Variants in KLHL1 observed in about 807,000 individuals in gnomAD.
The protein encoded by KLHL1 is kelch like family member 1, also known as kelch-like protein 1.
KLHL1 carries 47 observed loss-of-function variants against 77.7 expected under a neutral mutation model. That is an observed-to-expected ratio of 0.60 (90% confidence interval 0.48 to 0.77). The LOEUF is 0.77. KLHL1 is among the 30% of genes least tolerant of loss of function. The probability of loss-of-function intolerance (pLI) is 0.00; values close to 1 mark genes in which losing one functional copy is unlikely to be tolerated. For missense variants in KLHL1, 925 were observed against 910.8 expected, an observed-to-expected ratio of 1.02 and a Z score of -0.20; for synonymous variants, 360 against 325.2, an observed-to-expected ratio of 1.11 and a Z score of -1.15.
chr13:69,825,001 A>G (rs563067950), intron 6 of KLHL1, among the ~76,000 whole-genome samples: 1 of 147,966 alleles, frequency 6.8e-6, no homozygotes, highest in Non-Finnish European at 1.5e-5. Context: ...TTTGAAATGC[A>G]TTAAAAAATT....
At position 70,098,379 on chromosome 13, in the gene KLHL1, C is replaced by A. The variant is rs578019329; in HGVS notation, c.497+8824G>T. On this transcript the variant is annotated intron_variant, in intron 1 of 10. Coordinates refer to ENST00000377844, the MANE Select transcript of KLHL1 (RefSeq NM_020866.3). Reference sequence around the variant, plus strand: ...TCCCTGTGTAATTTGCATGTATATTCTTTTGAAAACAGCAAAAATTTATTT... The same window carrying A: ...TCCCTGTGTAATTTGCATGTATATTATTTTGAAAACAGCAAAAATTTATTT... Among the ~76,000 whole-genome samples, 3 of 151,778 alleles carry A rather than the reference C, an allele frequency of 2.0e-5. No individual in the cohort carries two copies. In the South Asian group the frequency reaches 6.2e-4, roughly 31 times the overall value.
chr13:69,738,768 A>C (rs1873866943), intron 8 of KLHL1, among the ~76,000 whole-genome samples: 1 of 152,124 alleles, frequency 6.6e-6, no homozygotes, highest in African/African-American at 2.4e-5. Flanking sequence ...GACCAAACCT[A>C]CATCTGATAG....
At chr13:70,005,432 A>G (rs1280411033) in intron 1 of KLHL1, among the ~76,000 whole-genome samples, 2 of 152,032 alleles carry the variant, frequency 1.3e-5, no homozygotes, top group Non-Finnish European at 2.9e-5. Context: ...CCCAACACAA[A>G]TTCATGCAAA....
chr13:69,837,433 T>C (rs74090488), intron 6 of KLHL1, among the ~76,000 whole-genome samples: 12,538 of 151,262 alleles, frequency 0.083, 933 homozygotes, highest in African/African-American at 0.2. Context: ...TAAGTAATGA[T>C]TACAAGCAAC....
chr13:69,767,087 G>A (rs192945179), intron 7 of KLHL1, among the ~76,000 whole-genome samples: 1 of 152,152 alleles, frequency 6.6e-6, no homozygotes, highest in Non-Finnish European at 1.5e-5. Flanking sequence ...AAAGATACTA[G>A]GTGTAGATAT....
chr13:69,889,093 T>TA (rs1881330082), intron 4 of KLHL1, among the ~76,000 whole-genome samples: 4 of 151,960 alleles, frequency 2.6e-5, no homozygotes, highest in Non-Finnish European at 5.9e-5. Flanking sequence ...TTAAACTTTC[T>TA]AAAAATGCAG....
chr13:69,720,288 A>ATT (rs145592617), intron 8 of KLHL1, among the ~76,000 whole-genome samples: 13,507 of 152,154 alleles, frequency 0.089, 822 homozygotes, highest in African/African-American at 0.17. Context: ...ATTTGAATAC[A>ATT]GTTTAATCCT....
chr13:69,756,853 C>T (rs978605711), intron 7 of KLHL1, among the ~76,000 whole-genome samples: 1 of 152,068 alleles, frequency 6.6e-6, no homozygotes, highest in African/African-American at 2.4e-5. Context: ...AGTTAATAAA[C>T]CCCCTTTGTC....
chr13:69,752,593 G>C (rs1316109221), intron 7 of KLHL1, among the ~76,000 whole-genome samples: 1 of 152,146 alleles, frequency 6.6e-6, no homozygotes, highest in Non-Finnish European at 1.5e-5. Context: ...GTAGCTAAGA[G>C]TTGTTTTCTT....
At chr13:70,079,947 C>T (rs1887354034) in intron 1 of KLHL1, among the ~76,000 whole-genome samples, 1 of 152,084 alleles carries the variant, frequency 6.6e-6, no homozygotes, top group African/African-American at 2.4e-5. Context: ...TCTTGCTGAT[C>T]GCCAGTGCAG....
rs192625088 is a variant in KLHL1 at position 69,715,636 on chromosome 13, T to C, written c.2015+3733A>G. Among the ~76,000 whole-genome samples, 5 of 152,126 alleles carry C rather than the reference T, an allele frequency of 3.3e-5. No homozygotes were observed. In the East Asian group the frequency reaches 9.7e-4, roughly 30 times the overall value. Reference sequence around the variant, plus strand: ...TTATAGCAATGTGAAAATGGACTAATATAATCCTCATATTAACATGGTCTA... The same window carrying C: ...TTATAGCAATGTGAAAATGGACTAACATAATCCTCATATTAACATGGTCTA... On this transcript the variant is annotated intron_variant, in intron 9 of 10. Coordinates refer to ENST00000377844, the MANE Select transcript of KLHL1 (RefSeq NM_020866.3).
intron 4 of KLHL1, among the ~76,000 whole-genome samples, chr13:69,939,378 T>TATATAAAC (rs1200160699): frequency 1.4e-5 from 1 of 70,822 alleles, no homozygotes; most frequent in African/African-American, 6.4e-5. Flanking sequence ...TATATATATA[T>TATATAAAC]ACACACACAC....
intron 7 of KLHL1, among the ~76,000 whole-genome samples, chr13:69,782,891 C>T (rs1876303295): frequency 6.6e-6 from 1 of 152,210 alleles, no homozygotes. Context: ...CCCCGAGCAG[C>T]CTAACTGGGA....
chr13:69,957,339 A>G (rs1398242991), intron 3 of KLHL1, among the ~76,000 whole-genome samples: 2 of 151,722 alleles, frequency 1.3e-5, no homozygotes, highest in Non-Finnish European at 3.0e-5. Context: ...GTGCGTTGCC[A>G]AATTTGTTTA....
chr13:69,919,129 T>A (rs1301626486), intron 4 of KLHL1, among the ~76,000 whole-genome samples: 1 of 152,008 alleles, frequency 6.6e-6, no homozygotes, highest in Non-Finnish European at 1.5e-5. Flanking sequence ...GCAGCAACAA[T>A]CTTGAGAGTT....
At chr13:69,820,595 T>A (rs538548966) in intron 6 of KLHL1, among the ~76,000 whole-genome samples, 22 of 152,308 alleles carry the variant, frequency 1.4e-4, no homozygotes, top group African/African-American at 5.3e-4. Context: ...GAAGTGAAAT[T>A]TGAATAGCAT....
intron 1 of KLHL1, among the ~76,000 whole-genome samples, chr13:70,028,304 G>A (rs957346918): frequency 4.6e-5 from 7 of 151,992 alleles, no homozygotes; most frequent in Admixed American, 2.0e-4. Flanking sequence ...ATTACTTTGC[G>A]GCCCATGGAC....
At chr13:69,710,806 G>T (rs992882508) in intron 9 of KLHL1, among the ~76,000 whole-genome samples, 5 of 151,728 alleles carry the variant, frequency 3.3e-5, no homozygotes, top group African/African-American at 4.8e-5. Flanking sequence ...AGGTTTGTTT[G>T]TTTGTTTGTT....
At chr13:69,761,290 G>A (rs750243676) in intron 7 of KLHL1, among the ~76,000 whole-genome samples, 2 of 152,162 alleles carry the variant, frequency 1.3e-5, no homozygotes, top group Non-Finnish European at 2.9e-5. Context: ...TAGCTGGATT[G>A]GTTACAGGTC....
Sources: allele counts gnomAD v4.1 joint callset (sites outside exome capture counted in the v4.1 genomes callset), GRCh38; gene constraint gnomAD v4.1.1; transcripts MANE v1.5; gene names NCBI Gene and HGNC (gene_info 2026-07-23, HGNC 2026-07-21).